The following CCDC178 variants were observed in gnomAD, a reference collection of about 807,000 sequenced individuals.
CCDC178 encodes the protein coiled-coil domain containing 178, also known as coiled-coil domain-containing protein 178.
Under a neutral mutation model 117.4 loss-of-function variants are expected in CCDC178, and 126 were observed. The observed-to-expected ratio is 1.07, with a 90% CI of 0.93 to 1.24. CCDC178 has a LOEUF of 1.24. Among genes scored for constraint, CCDC178 ranks in the 50% most tolerant of loss-of-function variants. The pLI is 0.00. For synonymous variants in CCDC178, 283 were observed against 313.4 expected (o/e 0.90, Z 1.02); for missense variants, 1,030 against 986.9 (o/e 1.04, Z -0.59).
At chr18:33,331,966 T>C (rs561434707) in intron 10 of CCDC178, among the ~76,000 whole-genome samples, 1 of 152,306 alleles carries the variant, frequency 6.6e-6, no homozygotes, top group East Asian at 1.9e-4. Flanking sequence ...TTGCCAGATA[T>C]TGGAAACAAC....
intron 21 of CCDC178, among the ~76,000 whole-genome samples, chr18:32,993,614 G>C (rs1416091779): frequency 6.6e-6 from 1 of 152,102 alleles, no homozygotes; most frequent in Non-Finnish European, 1.5e-5. Flanking sequence ...GGGCTCACCT[G>C]CCCAGCATCA....
chr18:32,999,985 A>G (rs1244972326), intron 21 of CCDC178, among the ~76,000 whole-genome samples: 1 of 152,158 alleles, frequency 6.6e-6, no homozygotes, highest in Non-Finnish European at 1.5e-5. Context: ...CCAGGAAAAT[A>G]AGACCTCACC....
chr18:32,967,575 T>G lies in CCDC178; in HGVS notation c.2523+6972A>C, dbSNP rs549103912. 2.6e-5 allele frequency among the ~76,000 whole-genome samples: 4 copies of G among 151,730 alleles called. No homozygotes were observed. The South Asian group carries it at 8.3e-4, about 31-fold the overall frequency. ...TTCTAAATAACATGAATTTTGCTTTTATGACCAATCTACAAATCTGTAACT... is the reference window on the plus strand; with the variant it reads ...TTCTAAATAACATGAATTTTGCTTTGATGACCAATCTACAAATCTGTAACT... On this transcript the variant is annotated intron_variant, in intron 22 of 22. Transcript: ENST00000383096.
At chr18:33,050,906 C>A (rs1360351402) in intron 21 of CCDC178, among the ~76,000 whole-genome samples, 1 of 151,926 alleles carries the variant, frequency 6.6e-6, no homozygotes, top group African/African-American at 2.4e-5. Flanking sequence ...GACTGATCAT[C>A]AATTTGTTTG....
intron 6 of CCDC178, among the ~76,000 whole-genome samples, chr18:33,364,886 AG>A (rs2063180245): frequency 6.6e-6 from 1 of 152,022 alleles, no homozygotes; most frequent in Non-Finnish European, 1.5e-5. Flanking sequence ...TGTACAACTG[AG>A]GGTGGAGACT....
chr18:33,335,580 A>G (rs956602259), intron 9 of CCDC178, among the ~76,000 whole-genome samples: 1 of 151,834 alleles, frequency 6.6e-6, no homozygotes, highest in African/African-American at 2.4e-5. Flanking sequence ...ATTCCATGCA[A>G]TTTCTTCAAG....
chr18:32,960,034 G>A (rs2054675147), intron 22 of CCDC178, among the ~76,000 whole-genome samples: 1 of 151,940 alleles, frequency 6.6e-6, no homozygotes, highest in Non-Finnish European at 1.5e-5. Context: ...TCATTTAACA[G>A]AATAAAAAGA....
chr18:33,415,899 G>T (rs887542300), intron 2 of CCDC178, among the ~76,000 whole-genome samples: 4 of 152,108 alleles, frequency 2.6e-5, no homozygotes, highest in Non-Finnish European at 5.9e-5. Context: ...CTAGCTAGGA[G>T]ACTTGTTACC....
At chr18:33,260,100 C>T (rs2059724621) in intron 14 of CCDC178, among the ~76,000 whole-genome samples, 1 of 151,930 alleles carries the variant, frequency 6.6e-6, no homozygotes, top group Non-Finnish European at 1.5e-5. Context: ...CAGGAGTGTG[C>T]TCTCTCAGTC....
At chr18:33,151,488 G>A (rs1474098048) in intron 20 of CCDC178, among the ~76,000 whole-genome samples, 6 of 151,836 alleles carry the variant, frequency 4.0e-5, no homozygotes, top group Admixed American at 6.6e-5. Context: ...AAAAGCAAAC[G>A]AAGTTATAGT....
chr18:33,384,514 C>T (rs2063473183), intron 5 of CCDC178, among the ~76,000 whole-genome samples: 1 of 152,134 alleles, frequency 6.6e-6, no homozygotes, highest in African/African-American at 2.4e-5. Flanking sequence ...CCGCGTACCT[C>T]TCCATGGAAA....
At chr18:33,145,371 AT>A (rs2058255418) in intron 20 of CCDC178, among the ~76,000 whole-genome samples, 4 of 152,302 alleles carry the variant, frequency 2.6e-5, no homozygotes, top group Admixed American at 6.5e-5. Flanking sequence ...GGACAGGAAC[AT>A]TCACGTTTAT....
intron 5 of CCDC178, among the ~76,000 whole-genome samples, chr18:33,381,810 T>C (rs1366562830): frequency 6.6e-6 from 1 of 152,140 alleles, no homozygotes; most frequent in African/African-American, 2.4e-5. Context: ...TTATTTTATG[T>C]TGTATTGTAA....
In CCDC178 at chr18:33,208,676, T is replaced by C. The variant is rs188829883; in HGVS notation, c.2238+3220A>G. 1.4e-3 allele frequency among the ~76,000 whole-genome samples: 206 copies of C among 152,238 alleles called. 1 individual carries two copies. Among genetic ancestry groups the C allele is most frequent in the Non-Finnish European group, 2.5e-3 (167 of 67,964 alleles). ...ATAATCTTTAGAATATCTCAGAGAA[T>C]AAATTTGTTTGAAATGTTTACTATT... On this transcript the variant is annotated intron_variant, in intron 20 of 22. Transcript: ENST00000383096.
intron 21 of CCDC178, among the ~76,000 whole-genome samples, chr18:33,063,801 C>CACG (rs1210145806): frequency 6.6e-6 from 1 of 152,072 alleles, no homozygotes; most frequent in Non-Finnish European, 1.5e-5. Context: ...ATGCCTGGCC[C>CACG]ACCACCACCA....
chr18:33,032,904 G>T (rs1479368187), intron 21 of CCDC178, among the ~76,000 whole-genome samples: 1 of 151,952 alleles, frequency 6.6e-6, no homozygotes, highest in Non-Finnish European at 1.5e-5. Flanking sequence ...CCTTTCCTCA[G>T]CTTAATTTTT....
Position 33,224,830 on chromosome 18 carries a change from A to AG in CCDC178, c.1762dup (p.Leu588ProfsTer6). On this transcript the variant is annotated frameshift_variant, in exon 17 of 23. Transcript: ENST00000383096. LOFTEE classifies it high-confidence loss of function. ...TCTTTCAGCTTCATCTTCTAGTTGA[A>AG]GCAGAGGTTCCTGTAGTTCTGCCAG... 6.4e-7 allele frequency: 1 copy of AG among 1,572,228 alleles called. No individual in the cohort carries two copies. The highest frequency in any genetic ancestry group is 8.6e-7 in the Non-Finnish European group (1 of 1,157,426).
chr18:33,092,113 G>A (rs1420824170), intron 21 of CCDC178, among the ~76,000 whole-genome samples: 1 of 152,020 alleles, frequency 6.6e-6, no homozygotes, highest in African/African-American at 2.4e-5. Context: ...TTGAATCCTG[G>A]GGGAAAACAA....
At chr18:33,432,115 T>C (rs1599314733) in intron 2 of CCDC178, among the ~76,000 whole-genome samples, 2 of 152,282 alleles carry the variant, frequency 1.3e-5, no homozygotes, top group East Asian at 1.9e-4. Flanking sequence ...CAGTGATCTA[T>C]GAGATCCATG....
Sources: allele counts gnomAD v4.1 joint callset (sites outside exome capture counted in the v4.1 genomes callset), GRCh38; gene constraint gnomAD v4.1.1; transcripts MANE v1.5; gene names NCBI Gene and HGNC (gene_info 2026-07-23, HGNC 2026-07-21).